The following PRH1 variants were observed in gnomAD, a reference collection of about 807,000 sequenced individuals.
The protein encoded by PRH1 is salivary acidic proline-rich phosphoprotein 1/2.
A neutral mutation model predicts 7.9 loss-of-function variants in PRH1; 7 were observed. That is an observed-to-expected ratio of 0.89 (90% CI 0.50 to 1.67). The LOEUF is 1.67. Ranked by LOEUF, PRH1 falls within the 40% of genes most tolerant of loss-of-function variation. The pLI, the probability that PRH1 is intolerant of heterozygous loss-of-function variation, is 0.00. For missense variants in PRH1, 109 were observed against 223.6 expected, an observed-to-expected ratio of 0.49 and a Z score of 3.27; for synonymous variants, 45 against 80.8, an observed-to-expected ratio of 0.56 and a Z score of 2.38.
chr12:11,096,828 C>T lies in PRH1; in HGVS notation n.124-49640G>A, dbSNP rs1238953840. Among the ~76,000 whole-genome samples, 2 of 114,724 alleles carry T rather than the reference C, an allele frequency of 1.7e-5. 1 individual carries two copies. Among genetic ancestry groups the T allele is most frequent in the African/African-American group, 5.9e-5 (2 of 34,134 alleles). 75.3% of individuals were successfully genotyped at this position (114,724 alleles called of 152,430 possible). ...GTTGTTGTTGTTTTTGAGACGGAGT[C>T]TCGTTGTCTCCCAGGCTGGAGTGCA... On this transcript the variant is annotated intron_variant and non_coding_transcript_variant, in intron 1 of 4. Coordinates refer to the PRH1 transcript ENST00000541977.
intron 2 of PRH1, among the ~76,000 whole-genome samples, chr12:10,926,227 G>T (rs1393460834): frequency 6.6e-6 from 1 of 152,128 alleles, no homozygotes; most frequent in Non-Finnish European, 1.5e-5. Flanking sequence ...TTGATACAGT[G>T]AATACAATAA....
intron 1 of PRH1, among the ~76,000 whole-genome samples, chr12:11,114,113 T>C (rs182127020): frequency 6.6e-6 from 1 of 152,286 alleles, no homozygotes; most frequent in East Asian, 1.9e-4. Context: ...CTCAAGGATC[T>C]AGAACCAGAA....
At chr12:10,953,162 A>C (rs1216119905) in intron 2 of PRH1, among the ~76,000 whole-genome samples, 1 of 152,192 alleles carries the variant, frequency 6.6e-6, no homozygotes, top group Non-Finnish European at 1.5e-5. Flanking sequence ...AAGACTGAAG[A>C]ATATCAGCCC....
At chr12:10,974,027 C>T (rs1311001187) in intron 1 of PRH1, among the ~76,000 whole-genome samples, 3 of 152,198 alleles carry the variant, frequency 2.0e-5, no homozygotes, top group Non-Finnish European at 1.5e-5. Flanking sequence ...CTGGACTAAT[C>T]ATCAGGACAC....
chr12:10,933,174 C>A (rs1052137454), intron 2 of PRH1, among the ~76,000 whole-genome samples: 2 of 152,018 alleles, frequency 1.3e-5, no homozygotes, highest in Non-Finnish European at 1.5e-5. Flanking sequence ...GTTTTTCCTA[C>A]ATTCTGAAAA....
In PRH1 at chr12:11,042,623, C is replaced by CTTTTTTTTTTTTTTTTTT. The variant is rs71051557; in HGVS notation, c.-126+4379_-126+4396dup. Among the ~76,000 whole-genome samples, 264 of 79,272 alleles carry CTTTTTTTTTTTTTTTTTT rather than the reference C, an allele frequency of 3.3e-3. 25 individuals are homozygous for CTTTTTTTTTTTTTTTTTT. The highest frequency in any genetic ancestry group is 4.5e-3 in the African/African-American group (86 of 18,902). 52.0% of individuals were successfully genotyped at this position (79,272 alleles called of 152,430 possible). A position where few individuals can be genotyped will look rare whatever the true frequency, so the allele number is the denominator to read the frequency against. On this transcript the variant is annotated intron_variant, in intron 1 of 3. Transcript: ENST00000539853. ...AAGAGGGACTACTTCCAGGCTCATT[C>CTTTTTTTTTTTTTTTTTT]TTTTTTTTTTTTTTTTTTTTTTTTG...
At chr12:10,915,831 A>G (rs147306498) in intron 2 of PRH1, among the ~76,000 whole-genome samples, 1 of 152,282 alleles carries the variant, frequency 6.6e-6, no homozygotes, top group East Asian at 1.9e-4. Flanking sequence ...AAGCATCCCC[A>G]TCGCGTTCCC....
chr12:11,107,789 A>G (rs1945466961), intron 1 of PRH1, among the ~76,000 whole-genome samples: 1 of 152,262 alleles, frequency 6.6e-6, no homozygotes, highest in African/African-American at 2.4e-5. Flanking sequence ...GCAATTTGAT[A>G]GGAATTAATG....
chr12:11,036,182 C>T (rs1330536647), intron 1 of PRH1, among the ~76,000 whole-genome samples: 3 of 151,704 alleles, frequency 2.0e-5, no homozygotes, highest in East Asian at 1.9e-4. Context: ...CGTGAGCCAC[C>T]GCGCCCGCCC....
chr12:11,092,572 A>C (rs1236140739), intron 1 of PRH1, among the ~76,000 whole-genome samples: 1 of 110,754 alleles, frequency 9.0e-6, no homozygotes, highest in African/African-American at 3.0e-5. Context: ...GGCTACTTTT[A>C]GGATCCTGTT....
At chr12:10,909,165 T>C (rs753629556) in intron 2 of PRH1, 1 of 1,614,030 alleles carries the variant, frequency 6.2e-7, no homozygotes. Context: ...GAGGAGTTTA[T>C]CGACTGAGGA....
intron 1 of PRH1, among the ~76,000 whole-genome samples, chr12:11,092,723 C>T (rs1398803935): frequency 8.7e-6 from 1 of 115,580 alleles, no homozygotes; most frequent in Non-Finnish European, 2.0e-5. Context: ...TCCAAGTCCC[C>T]ACAAGATTCA....
At chr12:11,140,549 T>C (rs1034771482) in intron 1 of PRH1, among the ~76,000 whole-genome samples, 2 of 152,190 alleles carry the variant, frequency 1.3e-5, no homozygotes, top group Admixed American at 6.5e-5. Flanking sequence ...CATCTCAATA[T>C]GCTAATGGAT....
intron 1 of PRH1, among the ~76,000 whole-genome samples, chr12:11,043,587 C>T: frequency 6.9e-6 from 1 of 145,120 alleles, no homozygotes; most frequent in East Asian, 2.1e-4. Context: ...TAAACAAACT[C>T]AATAAATTTG....
intron 2 of PRH1, among the ~76,000 whole-genome samples, chr12:10,934,184 C>T (rs911574017): frequency 2.0e-5 from 3 of 151,996 alleles, no homozygotes; most frequent in African/African-American, 7.2e-5. Flanking sequence ...AAGTTATTTC[C>T]ACTTCTGATT....
At chr12:10,939,972 C>G (rs1427298682) in intron 2 of PRH1, among the ~76,000 whole-genome samples, 1 of 151,864 alleles carries the variant, frequency 6.6e-6, no homozygotes, top group Non-Finnish European at 1.5e-5. Flanking sequence ...CCTGATACCT[C>G]ATAAATGTAT....
At chr12:10,902,639 A>G (rs1272162965) in intron 2 of PRH1, among the ~76,000 whole-genome samples, 2 of 152,142 alleles carry the variant, frequency 1.3e-5, no homozygotes, top group African/African-American at 4.8e-5. Context: ...CAGATCACAT[A>G]CAAAGGGAAC....
downstream of PRH1, among the ~76,000 whole-genome samples, chr12:11,119,329 T>C (rs1281283067): frequency 3.5e-5 from 5 of 144,726 alleles, no homozygotes; most frequent in African/African-American, 1.0e-4. Context: ...AAAAAAAAAA[T>C]AGAAAGAGTG....
At chr12:10,982,674 C>A (rs751566211) in intron 1 of PRH1, among the ~76,000 whole-genome samples, 5 of 152,092 alleles carry the variant, frequency 3.3e-5, no homozygotes, top group Non-Finnish European at 5.9e-5. Flanking sequence ...AAGTGGTACC[C>A]ATAAGCAGGA....
Sources: gnomAD v4.1 joint callset for allele counts (sites outside exome capture counted in the v4.1 genomes callset) on GRCh38, gnomAD v4.1.1 for gene constraint, MANE v1.5 for transcripts, NCBI Gene and HGNC (gene_info 2026-07-23, HGNC 2026-07-21) for gene names.